Variants in ZDHHC4 observed in about 807,000 individuals in gnomAD.
ZDHHC4 encodes zDHHC palmitoyltransferase 4, also known as palmitoyltransferase ZDHHC4.
ZDHHC4 carries 42 observed loss-of-function variants against 36.7 expected under a neutral mutation model. The ratio of observed to expected loss-of-function variants is 1.14; its 90% CI spans 0.89 to 1.48. ZDHHC4 has a LOEUF of 1.48. Ranked by LOEUF, ZDHHC4 falls within the 40% of genes most tolerant of loss-of-function variation. ZDHHC4 has a pLI of 0.00. For missense variants in ZDHHC4, 457 were observed against 421.5 expected (o/e 1.08, Z -0.74); for synonymous variants, 189 against 166.6 (o/e 1.13, Z -1.03).
chr7:6,580,749 A>G, intron 3 of ZDHHC4, 71 bp downstream of exon 3: 2 of 1,488,728 alleles, frequency 1.3e-6, no homozygotes, highest in East Asian at 4.5e-5. Context: ...AGGTTTTGCT[A>G]CAGGACAAAA....
At chr7:6,588,033 CTT>C (rs1227539760) in intron 7 of ZDHHC4, among the ~76,000 whole-genome samples, 1 of 152,050 alleles carries the variant, frequency 6.6e-6, no homozygotes, top group Non-Finnish European at 1.5e-5. Context: ...ACCCGGCTAA[CTT>C]TTGTATTTTT....
At chr7:6,584,331 A>G (rs1426262949) in intron 6 of ZDHHC4, 1 of 152,226 alleles carries the variant, frequency 6.6e-6, no homozygotes, top group Non-Finnish European at 1.5e-5. Flanking sequence ...TAAAATGTAC[A>G]GTTGAAAAAG....
chr7:6,587,048 C>CTT (rs1286709471), intron 7 of ZDHHC4, among the ~76,000 whole-genome samples: 4 of 143,200 alleles, frequency 2.8e-5, no homozygotes, highest in East Asian at 2.0e-4. Flanking sequence ...CATATGGTAA[C>CTT]TTTTTTTTTT....
chr7:6,578,284 C>T (rs1426758522), intron 1 of ZDHHC4, among the ~76,000 whole-genome samples: 1 of 152,140 alleles, frequency 6.6e-6, no homozygotes, highest in Non-Finnish European at 1.5e-5. Flanking sequence ...CGGGCCACCA[C>T]GCCCCACTGA....
chr7:6,587,613 A>G (rs896633378), intron 7 of ZDHHC4, among the ~76,000 whole-genome samples: 1 of 152,328 alleles, frequency 6.6e-6, no homozygotes, highest in Non-Finnish European at 1.5e-5. Context: ...ATTAGTCAAT[A>G]TATTAAGTCT....
At position 6,582,248 on chromosome 7, in the gene ZDHHC4, C is replaced by T. The variant is rs762526824; in HGVS notation, c.367C>T (p.Pro123Ser). 1.2e-6 allele frequency: 2 copies of T among 1,613,726 alleles called. No individual in the cohort carries two copies. Among genetic ancestry groups the T allele is most frequent in the Non-Finnish European group, 8.5e-7 (1 of 1,179,874 alleles). The part of the protein sequence containing the change: ...FFFTLTCGTN[P>S]GIITKANELL... Reference sequence around the variant, plus strand: ...TTTCACCCTGACTTGTGGAACCAATCCTGGTAAGTTGAGGCTCTTAGCATA... The same window carrying T: ...TTTCACCCTGACTTGTGGAACCAATTCTGGTAAGTTGAGGCTCTTAGCATA... The change falls in exon 5 of 8, where the codon CCT (proline) becomes TCT (serine). Residue 123 changes from proline (P) to serine (S), a missense_variant. Transcript: ENST00000335965.
chr7:6,588,872 C>A lies in ZDHHC4; in HGVS notation c.997C>A (p.Pro333Thr). 2 of 1,610,436 alleles carry A rather than the reference C, an allele frequency of 1.2e-6. No individual in the cohort carries two copies. The highest frequency in any genetic ancestry group is 1.7e-6 in the Non-Finnish European group (2 of 1,176,810). The change falls in exon 8 of 8, where the codon CCT becomes ACT. Residue 333 changes from proline to threonine, a missense_variant. Coordinates refer to ENST00000335965, the MANE Select transcript of ZDHHC4 (RefSeq NM_001134389.2). Reference protein sequence around the residue: ...LRSNLQEIFLPAFPCHERKKQ... With the variant: ...LRSNLQEIFLTAFPCHERKKQ... ...GAGCAACCTTCAAGAGATCTTTCTA[C>A]CTGCCTTTCCATGTCATGAGAGGAA...
In ZDHHC4 at chr7:6,585,131, G is replaced by A. The variant is rs201709693; in HGVS notation, c.612G>A (p.Ser204=). The change falls in exon 7 of 8, where the codon TCG becomes TCA. Residue 204 remains serine, a synonymous_variant. Coordinates refer to ENST00000335965, the MANE Select transcript of ZDHHC4 (RefSeq NM_001134389.2). ...TCTACGTCTTGACCTTGACGGCCTC[G>A]GCTGCCACCGTCGCCATTGTGAGCA... is the stretch of plus-strand genomic sequence containing the variant. ...FLIYVLTLTA[S]AATVAIVSTT... 28 of 1,614,004 alleles carry A rather than the reference G, an allele frequency of 1.7e-5. No individual in the cohort carries two copies. Among genetic ancestry groups the A allele is most frequent in the Admixed American group, 8.3e-5 (5 of 59,978 alleles).
chr7:6,581,514 C>G, intron 3 of ZDHHC4, 93 bp from the exon 4 acceptor site: 1 of 928,846 alleles, frequency 1.1e-6, no homozygotes, highest in Non-Finnish European at 1.7e-6. Flanking sequence ...TTACTATCAC[C>G]CAGATTGCCA....
chr7:6,582,403 T>C, intron 5 of ZDHHC4, 152 bp downstream of exon 5: 1 of 792,370 alleles, frequency 1.3e-6, no homozygotes, highest in East Asian at 2.5e-5. Context: ...TTTCTAATTT[T>C]TTTTTTCTTC....
rs553314317 is a variant in ZDHHC4 at position 6,583,496 on chromosome 7, G to A, written c.496+65G>A. 4 of 1,554,122 alleles carry A rather than the reference G, an allele frequency of 2.6e-6. No individual in the cohort carries two copies. In the African/African-American group the frequency reaches 4.1e-5, roughly 16 times the overall value. On this transcript the variant is annotated intron_variant, in intron 6 of 7. Transcript: ENST00000335965. Reference sequence around the variant, plus strand: ...GCACATGTGTGGGCTTCGTCTGTGAGGGAATGTTTCCTGAATCCGAAAGCA... The same window carrying A: ...GCACATGTGTGGGCTTCGTCTGTGAAGGAATGTTTCCTGAATCCGAAAGCA...
At chr7:6,582,329 C>T (rs370521201) in intron 5 of ZDHHC4, 78 bp downstream of exon 5, 10 of 1,291,004 alleles carry the variant, frequency 7.7e-6, no homozygotes, top group South Asian at 3.3e-5. Context: ...AGGAGAGGCC[C>T]CCCCTGAGGA....
chr7:6,588,086 A>G (rs557294775), intron 7 of ZDHHC4, among the ~76,000 whole-genome samples: 2 of 152,250 alleles, frequency 1.3e-5, no homozygotes, highest in East Asian at 1.9e-4. Context: ...GCTGGTGTCA[A>G]ACTCCTGACC....
At chr7:6,578,942 ATCCTCCCGCCTCAGCC>A (rs1780636350) in intron 2 of ZDHHC4, among the ~76,000 whole-genome samples, 1 of 151,782 alleles carries the variant, frequency 6.6e-6, no homozygotes, top group Non-Finnish European at 1.5e-5. Context: ...TGCTCAAGCA[ATCCTCCCGCCTCAGCC>A]TCCACAGGCA....
intron 7 of ZDHHC4, among the ~76,000 whole-genome samples, chr7:6,587,635 G>C (rs1279737043): frequency 6.6e-6 from 1 of 152,092 alleles, no homozygotes; most frequent in African/African-American, 2.4e-5. Context: ...TTCACAATCA[G>C]TACATAGAAA....
In ZDHHC4 at chr7:6,585,016, G is replaced by C. The variant is rs1781136627; in HGVS notation, c.497G>C (p.Ser166Thr). Residue 166 changes from serine (S) to threonine (T), a missense_variant and splice_region_variant, in exon 7 of 8, where the codon AGT becomes ACT. By Grantham distance (58) the Ser-to-Thr change is moderately conservative. Coordinates refer to ENST00000335965, the MANE Select transcript of ZDHHC4 (RefSeq NM_001134389.2). ...LRKPARSKHC[S>T]VCNWCVHRFD... ...CACGTGCCCCCTTGTTTCTGTGCAG[G>C]TGTGTGTAACTGGTGTGTGCACCGT... The C allele has an allele frequency of 1.2e-6, 2 of 1,614,008 alleles. No individual in the cohort carries two copies. The highest frequency in any genetic ancestry group is 1.1e-5 in the South Asian group (1 of 91,074).
chr7:6,579,577 G>T (rs996719864), intron 2 of ZDHHC4, among the ~76,000 whole-genome samples: 19 of 152,214 alleles, frequency 1.2e-4, no homozygotes, highest in African/African-American at 4.3e-4. Flanking sequence ...TGTGGCCAGT[G>T]TCCTGGAGGG....
intron 2 of ZDHHC4, among the ~76,000 whole-genome samples, chr7:6,579,224 G>T (rs1049163339): frequency 6.8e-6 from 1 of 147,372 alleles, no homozygotes; most frequent in Non-Finnish European, 1.5e-5. Flanking sequence ...TTTTTGAAAC[G>T]GAGTCTCGCT....
chr7:6,581,466 T>C (rs1780849240), intron 3 of ZDHHC4, 141 bp from the exon 4 acceptor site: 1 of 674,810 alleles, frequency 1.5e-6, no homozygotes, highest in East Asian at 2.8e-5. Context: ...CTTTATTCTC[T>C]GCTAAATCAC....
Sources: gnomAD v4.1 joint callset for allele counts (sites outside exome capture counted in the v4.1 genomes callset) on GRCh38, gnomAD v4.1.1 for gene constraint, MANE v1.5 for transcripts, NCBI Gene and HGNC (gene_info 2026-07-23, HGNC 2026-07-21) for gene names.